Variants in WWOX observed in about 807,000 individuals in gnomAD.
WWOX encodes the protein WW domain-containing oxidoreductase.
Under a neutral mutation model 46.2 loss-of-function variants are expected in WWOX, and 69 were observed. The ratio of observed to expected loss-of-function variants is 1.49; its 90% CI spans 1.23 to 1.82. The LOEUF (loss-of-function observed/expected upper bound fraction) is 1.82. Among genes scored for constraint, WWOX ranks in the 40% most tolerant of loss-of-function variants. The pLI is 0.00. For synonymous variants in WWOX, 359 were observed against 202.6 expected, an observed-to-expected ratio of 1.77 and a Z score of -6.56; for missense variants, 919 against 542.6, an observed-to-expected ratio of 1.69 and a Z score of -6.89.
chr16:78,754,022 A>T (rs1347247600), intron 8 of WWOX, among the ~76,000 whole-genome samples: 1 of 151,616 alleles, frequency 6.6e-6, no homozygotes, highest in Non-Finnish European at 1.5e-5. Context: ...TTAAATTATC[A>T]TTAATGTGAA....
At chr16:79,013,632 G>A (rs1195774073) in intron 8 of WWOX, among the ~76,000 whole-genome samples, 1 of 152,094 alleles carries the variant, frequency 6.6e-6, no homozygotes, top group Non-Finnish European at 1.5e-5. Flanking sequence ...TGCTGCCTGG[G>A]TCCCGGGTCT....
chr16:78,830,493 A>G (rs1567590109), intron 8 of WWOX, among the ~76,000 whole-genome samples: 1 of 152,060 alleles, frequency 6.6e-6, no homozygotes. Context: ...AGAGGCCTCA[A>G]AATTAGAGTA....
chr16:78,119,774 C>G (rs2032997544), intron 4 of WWOX, among the ~76,000 whole-genome samples: 1 of 151,990 alleles, frequency 6.6e-6, no homozygotes, highest in Non-Finnish European at 1.5e-5. Flanking sequence ...ATGCTATTAG[C>G]AAGTATGAAC....
chr16:78,129,777 T>C (rs1010675780), intron 4 of WWOX, among the ~76,000 whole-genome samples: 9 of 152,118 alleles, frequency 5.9e-5, no homozygotes, highest in African/African-American at 2.2e-4. Context: ...TGTAGATTTA[T>C]GACAGTTTTG....
At chr16:79,012,934 G>C (rs182151551) in intron 8 of WWOX, among the ~76,000 whole-genome samples, 1 of 152,228 alleles carries the variant, frequency 6.6e-6, no homozygotes. Flanking sequence ...GCTCATGCCT[G>C]TATTCCCAGC....
chr16:78,839,540 G>A (rs140182617), intron 8 of WWOX, among the ~76,000 whole-genome samples: 146 of 152,244 alleles, frequency 9.6e-4, no homozygotes, highest in South Asian at 3.1e-3. Context: ...ATGCTAATAG[G>A]TGTTAATACT....
chr16:78,963,326 G>T (rs2046306596), intron 8 of WWOX, among the ~76,000 whole-genome samples: 1 of 152,090 alleles, frequency 6.6e-6, no homozygotes, highest in South Asian at 2.1e-4. Flanking sequence ...AAAATTAGCT[G>T]CCCATGGTGG....
chr16:79,211,976 G>GGTAAAGTAAA lies in WWOX; in HGVS notation c.*188_*189insAAGTAAAGTA, dbSNP rs138002331. ...CCAATGGGAAGCAGGGAATTCCTGG[G>GGTAAAGTAAA]GTAAAGTATCACTTTTCTGGGGCTG... On this transcript the variant is annotated 3_prime_UTR_variant, in exon 9 of 9. Transcript: ENST00000566780. 4.6e-6 allele frequency: 7 copies of GGTAAAGTAAA among 1,536,084 alleles called. No individual in the cohort carries two copies. Among genetic ancestry groups the GGTAAAGTAAA allele is most frequent in the Middle Eastern group, 1.7e-4 (1 of 6,010 alleles).
At chr16:78,703,817 G>A (rs1401371183) in intron 8 of WWOX, among the ~76,000 whole-genome samples, 1 of 151,912 alleles carries the variant, frequency 6.6e-6, no homozygotes, top group Non-Finnish European at 1.5e-5. Flanking sequence ...TGAGTTGCTG[G>A]TACTGCTGTG....
chr16:78,519,230 G>A (rs1041864068), intron 8 of WWOX, among the ~76,000 whole-genome samples: 3 of 152,082 alleles, frequency 2.0e-5, no homozygotes, highest in African/African-American at 7.2e-5. Context: ...AGATTAAAAG[G>A]GTTTTGTGTG....
At chr16:78,508,750 A>G (rs2085281121) in intron 8 of WWOX, among the ~76,000 whole-genome samples, 1 of 152,194 alleles carries the variant, frequency 6.6e-6, no homozygotes, top group Non-Finnish European at 1.5e-5. Flanking sequence ...GGATCTGCAG[A>G]TCTGAGCACT....
intron 5 of WWOX, among the ~76,000 whole-genome samples, chr16:78,263,878 C>G (rs1479789256): frequency 2.0e-5 from 3 of 152,016 alleles, no homozygotes; most frequent in Non-Finnish European, 4.4e-5. Flanking sequence ...GTGTGCTTCT[C>G]AGGCTGGCCA....
chr16:78,361,333 C>G (rs1597099190), intron 5 of WWOX, among the ~76,000 whole-genome samples: 2 of 152,268 alleles, frequency 1.3e-5, no homozygotes, highest in African/African-American at 2.4e-5. Flanking sequence ...ACCTTGATCA[C>G]TTGGTTAAGG....
At position 78,987,048 on chromosome 16, in the gene WWOX, T is replaced by C. The variant is rs1044510182; in HGVS notation, c.1057-224560T>C. On this transcript the variant is annotated intron_variant, in intron 8 of 8. Coordinates refer to ENST00000566780, the MANE Select transcript of WWOX (RefSeq NM_016373.4). ...CTGGGGAAATGATCCTAGGGCTTTC[T>C]TAAAGGACACAGCGCCATGGTTATT... Among the ~76,000 whole-genome samples the C allele has an allele frequency of 2.0e-5, 3 of 152,286 alleles. No individual in the cohort carries two copies. The East Asian group carries it at 5.8e-4, about 29-fold the overall frequency.
intron 8 of WWOX, among the ~76,000 whole-genome samples, chr16:78,638,097 C>G (rs758528104): frequency 6.6e-6 from 1 of 152,204 alleles, no homozygotes; most frequent in Non-Finnish European, 1.5e-5. Flanking sequence ...CTAAGCTCTT[C>G]TCTTAGTTAT....
chr16:78,759,428 A>G (rs2049736444), intron 8 of WWOX, among the ~76,000 whole-genome samples: 1 of 152,154 alleles, frequency 6.6e-6, no homozygotes, highest in Admixed American at 6.5e-5. Flanking sequence ...TGAAGCAGTG[A>G]GAGCCTGTTG....
intron 8 of WWOX, among the ~76,000 whole-genome samples, chr16:78,901,099 C>T (rs375457806): frequency 1.3e-5 from 2 of 152,306 alleles, no homozygotes; most frequent in East Asian, 3.9e-4. Flanking sequence ...CCGGTTCTCC[C>T]AGTCATTACC....
chr16:79,144,535 C>G (rs1447570375), intron 8 of WWOX, among the ~76,000 whole-genome samples: 1 of 151,994 alleles, frequency 6.6e-6, no homozygotes, highest in East Asian at 1.9e-4. Flanking sequence ...ATTTCAGCTT[C>G]CTGTTTGTAA....
intron 6 of WWOX, among the ~76,000 whole-genome samples, chr16:78,393,948 T>G (rs553206629): frequency 2.8e-4 from 43 of 152,320 alleles, no homozygotes; most frequent in South Asian, 1.7e-3. Flanking sequence ...ATTTTCATTT[T>G]CTGCTAAATT....
Sources: allele counts gnomAD v4.1 joint callset (sites outside exome capture counted in the v4.1 genomes callset), GRCh38; gene constraint gnomAD v4.1.1; transcripts MANE v1.5; gene names NCBI Gene and HGNC (gene_info 2026-07-23, HGNC 2026-07-21).